The following CNTN4 variants were observed in gnomAD, a reference collection of about 807,000 sequenced individuals.
CNTN4 encodes contactin-4.
In CNTN4, 77 loss-of-function variants were observed where a neutral mutation model predicts 122.5. The observed-to-expected ratio is 0.63, with a 90% CI of 0.52 to 0.76. The LOEUF is 0.76. Ranked by LOEUF, CNTN4 falls within the 30% of genes least tolerant of loss-of-function variation. The pLI is 0.00. For synonymous variants in CNTN4, 512 were observed against 447.0 expected, an observed-to-expected ratio of 1.15 and a Z score of -1.83; for missense variants, 1,256 against 1,259.1, an observed-to-expected ratio of 1.00 and a Z score of 0.04.
At chr3:2,971,201 C>G (rs1309964439) in intron 13 of CNTN4, among the ~76,000 whole-genome samples, 7 of 152,178 alleles carry the variant, frequency 4.6e-5, no homozygotes, top group Non-Finnish European at 2.9e-5. Context: ...GGTCCTTATC[C>G]TCATCCTCTT....
intron 2 of CNTN4, among the ~76,000 whole-genome samples, chr3:2,320,097 A>G (rs569443580): frequency 2.9e-4 from 44 of 152,306 alleles, no homozygotes; most frequent in African/African-American, 9.4e-4. Context: ...ACAAGAATCA[A>G]TCAGGCTGTT....
chr3:2,264,433 T>C (rs2040961407), intron 2 of CNTN4, among the ~76,000 whole-genome samples: 1 of 152,130 alleles, frequency 6.6e-6, no homozygotes, highest in South Asian at 2.1e-4. Context: ...AAAATGTCTA[T>C]TTGGGTCCTT....
chr3:2,682,330 A>C (rs1298290831), intron 4 of CNTN4, among the ~76,000 whole-genome samples: 1 of 152,178 alleles, frequency 6.6e-6, no homozygotes. Flanking sequence ...TTCATGGAAA[A>C]GGTGGCTCGT....
chr3:2,362,356 A>G (rs1210843007), intron 3 of CNTN4: 1 of 313,806 alleles, frequency 3.2e-6, no homozygotes, highest in East Asian at 9.2e-5. Context: ...TGTAGGTGTG[A>G]CTGGTGGGAA....
Position 2,708,502 on chromosome 3 carries a change from C to A in CNTN4, c.56-27713C>A, listed in dbSNP as rs75746640. ...AATTAGGTTATCTCTAGCTGCTGTGCGGAAGCTCTGGGAGATAAGCAATCA... is the reference window on the plus strand; with the variant it reads ...AATTAGGTTATCTCTAGCTGCTGTGAGGAAGCTCTGGGAGATAAGCAATCA... On this transcript the variant is annotated intron_variant, in intron 4 of 24. Transcript: ENST00000418658. 4.6e-3 allele frequency among the ~76,000 whole-genome samples: 707 copies of A among 152,270 alleles called. 3 individuals carry two copies. The highest frequency in any genetic ancestry group is 0.016 in the African/African-American group (666 of 41,552).
chr3:2,725,156 C>G (rs2088135018), intron 4 of CNTN4, among the ~76,000 whole-genome samples: 1 of 152,178 alleles, frequency 6.6e-6, no homozygotes, highest in African/African-American at 2.4e-5. Context: ...CAGAGCCATG[C>G]AAGTGCTCTT....
rs71058631 is a variant in CNTN4, at chr3:2,617,419, C to CTTTTTTTTTTTTTTTTTTTTT, written c.55+45880_55+45881insTTTTTTTTTTTTTTTTTTTTT. On this transcript the variant is annotated intron_variant, in intron 4 of 24. Transcript: ENST00000418658. ...ACATCACTGATCTTTAGAGAAATGC[C>CTTTTTTTTTTTTTTTTTTTTT]TTTTTTTTTTTTTTTTTTTGAGACA... 4.8e-4 allele frequency among the ~76,000 whole-genome samples: 52 copies of CTTTTTTTTTTTTTTTTTTTTT among 108,514 alleles called. 2 individuals carry two copies. Among genetic ancestry groups the CTTTTTTTTTTTTTTTTTTTTT allele is most frequent in the Middle Eastern group, 6.9e-3 (1 of 144 alleles). The allele number at this position is 108,514 out of a possible 152,430, so 71.2% of individuals were successfully genotyped here.
At chr3:2,312,023 T>G (rs150485639) in intron 2 of CNTN4, among the ~76,000 whole-genome samples, 4 of 150,764 alleles carry the variant, frequency 2.7e-5, no homozygotes, top group East Asian at 1.9e-4. Context: ...AAAGTGAGAG[T>G]TTTTTTTTGA....
intron 7 of CNTN4, among the ~76,000 whole-genome samples, chr3:2,840,725 A>C (rs1331126022): frequency 6.6e-6 from 1 of 151,870 alleles, no homozygotes; most frequent in Admixed American, 6.6e-5. Flanking sequence ...AAAATAAAAA[A>C]ATAAAAGCTG....
At chr3:3,043,741 G>C in intron 23 of CNTN4, 37 bp downstream of exon 23, 14 of 1,326,470 alleles carry the variant, frequency 1.1e-5, no homozygotes, top group Non-Finnish European at 1.3e-5. Context: ...ACCTAATCGT[G>C]CTGTGAGTGG....
intron 3 of CNTN4, among the ~76,000 whole-genome samples, chr3:2,350,182 G>C (rs891186925): frequency 6.6e-6 from 1 of 152,134 alleles, no homozygotes; most frequent in African/African-American, 2.4e-5. Context: ...GTTTTAAAAG[G>C]AGAGCCATAG....
At chr3:2,860,024 G>T (rs906261886) in intron 7 of CNTN4, among the ~76,000 whole-genome samples, 1 of 152,148 alleles carries the variant, frequency 6.6e-6, no homozygotes. Flanking sequence ...TACCTCCACT[G>T]CCACATCTGA....
At chr3:2,670,292 T>C (rs2084427737) in intron 4 of CNTN4, among the ~76,000 whole-genome samples, 1 of 152,194 alleles carries the variant, frequency 6.6e-6, no homozygotes, top group Non-Finnish European at 1.5e-5. Flanking sequence ...TGGGTACATA[T>C]ATATTTAGGA....
rs9835190 is a variant in CNTN4 at position 2,196,902 on chromosome 3, G to A, written c.-145+96263G>A. Among the ~76,000 whole-genome samples the A allele has an allele frequency of 2.0e-3, 305 of 151,892 alleles. 1 individual carries two copies. The highest frequency in any genetic ancestry group is 7.0e-3 in the African/African-American group (291 of 41,448). On this transcript the variant is annotated intron_variant, in intron 2 of 24. Transcript: ENST00000418658. ...TCTACTAAAAATACAAAATTAGCCA[G>A]GCATGGTGGTGCATGCCTGTAATCC...
chr3:2,666,667 A>C (rs2084184784), intron 4 of CNTN4, among the ~76,000 whole-genome samples: 1 of 152,060 alleles, frequency 6.6e-6, no homozygotes, highest in South Asian at 2.1e-4. Flanking sequence ...ATATGTATAC[A>C]TGTGCCATGT....
intron 4 of CNTN4, among the ~76,000 whole-genome samples, chr3:2,654,329 A>G (rs936575691): frequency 2.6e-5 from 4 of 152,250 alleles, no homozygotes; most frequent in African/African-American, 9.6e-5. Context: ...TCTGAAAACT[A>G]TACAGATCTC....
intron 2 of CNTN4, among the ~76,000 whole-genome samples, chr3:2,115,302 A>G (rs779752341): frequency 1.3e-5 from 2 of 152,190 alleles, no homozygotes; most frequent in African/African-American, 4.8e-5. Context: ...TATTAATGGT[A>G]TCTCTACTGG....
intron 23 of CNTN4, among the ~76,000 whole-genome samples, chr3:3,050,770 A>T (rs1006680486): frequency 2.6e-5 from 4 of 151,254 alleles, no homozygotes; most frequent in Non-Finnish European, 5.9e-5. Flanking sequence ...TCTCAAAAAA[A>T]AAAAAAAAAA....
intron 4 of CNTN4, among the ~76,000 whole-genome samples, chr3:2,584,378 T>G (rs1431731104): frequency 2.6e-5 from 4 of 152,034 alleles, no homozygotes; most frequent in Non-Finnish European, 5.9e-5. Context: ...CAAAAGTGAT[T>G]GTGTTTAGTT....
Sources: gnomAD v4.1 joint callset for allele counts (sites outside exome capture counted in the v4.1 genomes callset) on GRCh38, gnomAD v4.1.1 for gene constraint, MANE v1.5 for transcripts, NCBI Gene and HGNC (gene_info 2026-07-23, HGNC 2026-07-21) for gene names.